The following DZIP1 variants were observed in gnomAD, a reference collection of about 807,000 sequenced individuals.
The protein encoded by DZIP1 is cilium assembly protein DZIP1.
In DZIP1, 97 loss-of-function variants were observed where a neutral mutation model predicts 107.6. The observed-to-expected ratio is 0.90, with a 90% CI of 0.77 to 1.07. The LOEUF is 1.07. Ranked by LOEUF, DZIP1 falls within the 50% of genes least tolerant of loss-of-function variation. The pLI is 0.00. For synonymous variants in DZIP1, 390 were observed against 386.4 expected, an observed-to-expected ratio of 1.01 and a Z score of -0.11; for missense variants, 1,035 against 1,063.6, an observed-to-expected ratio of 0.97 and a Z score of 0.37.
intron 22 of DZIP1, 80 bp downstream of exon 22, chr13:95,584,656 G>C: frequency 6.6e-7 from 1 of 1,523,040 alleles, no homozygotes; most frequent in Non-Finnish European, 8.8e-7. Flanking sequence ...ACCAGCATAA[G>C]TTAATTAGAT....
chr13:95,609,356 G>T, intron 13 of DZIP1, 101 bp downstream of exon 13: 1 of 744,036 alleles, frequency 1.3e-6, no homozygotes, highest in Non-Finnish European at 2.0e-6. Context: ...AAATACATTG[G>T]TTTTCAAAGA....
Position 95,612,042 on chromosome 13 carries a change from G to A in DZIP1, c.1309C>T (p.Gln437Ter). The change falls in exon 11 of 23, where the codon CAG (glutamine) becomes TAG (stop). Residue 437 changes from glutamine (Q) to a stop codon, truncating the protein, a stop_gained. Coordinates refer to ENST00000376829, the MANE Select transcript of DZIP1 (RefSeq NM_198968.4). LOFTEE classifies it high-confidence loss of function. The part of the protein sequence containing the change: ...EQNELIITQR[Q>*]QIKDFTCNPL... ...CACACTGCCGCCAGACATACCTGCTGTCTCTGAGTTATAATCAGCTCATTC... is the reference window on the plus strand; with the variant it reads ...CACACTGCCGCCAGACATACCTGCTATCTCTGAGTTATAATCAGCTCATTC... 8.7e-6 allele frequency: 14 copies of A among 1,613,450 alleles called. No homozygotes were observed. Among genetic ancestry groups the A allele is most frequent in the Non-Finnish European group, 1.1e-5 (13 of 1,179,970 alleles).
chr13:95,614,234 A>C (rs1333775687), intron 10 of DZIP1, among the ~76,000 whole-genome samples: 1 of 152,058 alleles, frequency 6.6e-6, no homozygotes, highest in Non-Finnish European at 1.5e-5. Context: ...GAACCAATCT[A>C]GAAAGATTTT....
chr13:95,597,654 C>G (rs968100487), intron 15 of DZIP1, among the ~76,000 whole-genome samples: 1 of 152,180 alleles, frequency 6.6e-6, no homozygotes, highest in African/African-American at 2.4e-5. Context: ...GAGGTTGCTT[C>G]CATAGCCAGT....
chr13:95,630,758 G>A (rs1421144693), intron 6 of DZIP1: 1 of 1,286,364 alleles, frequency 7.8e-7, no homozygotes, highest in South Asian at 1.2e-5. Flanking sequence ...GTGTCTGTGA[G>A]TGTAGACATG....
intron 10 of DZIP1, among the ~76,000 whole-genome samples, chr13:95,617,779 G>C (rs1875311288): frequency 6.6e-6 from 1 of 152,108 alleles, no homozygotes; most frequent in South Asian, 2.1e-4. Flanking sequence ...ACTAAGGAAG[G>C]GGAAGGCTGG....
intron 5 of DZIP1, among the ~76,000 whole-genome samples, chr13:95,634,404 T>C (rs908923276): frequency 7.2e-6 from 1 of 138,592 alleles, no homozygotes; most frequent in African/African-American, 2.6e-5. Flanking sequence ...ACTTGTTTAT[T>C]GTCTCTAGCC....
At chr13:95,582,435 G>C (rs1461605762) in intron 22 of DZIP1, 122 bp from the exon 23 acceptor site, 6 of 827,828 alleles carry the variant, frequency 7.2e-6, no homozygotes, top group Non-Finnish European at 1.2e-5. Flanking sequence ...ATCTGTTCAT[G>C]AATCCTCATC....
intron 22 of DZIP1, 163 bp downstream of exon 22, chr13:95,584,573 G>A (rs1271783875): frequency 8.6e-6 from 11 of 1,281,432 alleles, no homozygotes; most frequent in Non-Finnish European, 9.9e-6. Flanking sequence ...ATATGAATCA[G>A]TGAGTTATGC....
chr13:95,604,878 G>T (rs1028115551), intron 14 of DZIP1, among the ~76,000 whole-genome samples: 1 of 152,180 alleles, frequency 6.6e-6, no homozygotes, highest in Admixed American at 6.5e-5. Context: ...ATGATTGCTA[G>T]ATACTTTTCT....
At position 95,624,897 on chromosome 13, in the gene DZIP1, G is replaced by T; in HGVS notation, c.843C>A (p.Asp281Glu). The T allele has an allele frequency of 6.2e-7, 1 of 1,608,836 alleles. No homozygotes were observed. The highest frequency in any genetic ancestry group is 1.1e-5 in the South Asian group (1 of 89,944). ...EYEMQKTKEE[D>E]FLKLFDRWKE... Reference sequence around the variant, plus strand: ...TCCACCTGTCAAATAACTTCAAAAAGTCTTCCTCTTTTGTTTTCTGCATTT... The same window carrying T: ...TCCACCTGTCAAATAACTTCAAAAATTCTTCCTCTTTTGTTTTCTGCATTT... The change falls in exon 8 of 23, where the codon GAC becomes GAA. Residue 281 changes from aspartate (D) to glutamate (E), a missense_variant. Physicochemically the swap from Asp to Glu is conservative, Grantham distance 45. Coordinates refer to ENST00000376829, the MANE Select transcript of DZIP1 (RefSeq NM_198968.4).
At chr13:95,630,186 C>A (rs1566423613) in intron 6 of DZIP1, 73 bp from the exon 7 acceptor site, 2 of 1,479,358 alleles carry the variant, frequency 1.4e-6, no homozygotes. Context: ...GGGTACAGTC[C>A]TGTTGATAAC....
At chr13:95,589,110 A>C (rs754509468) in intron 19 of DZIP1, 44 bp downstream of exon 19, 1 of 1,503,030 alleles carries the variant, frequency 6.7e-7, no homozygotes, top group African/African-American at 1.4e-5. Context: ...ATGTTCAGTG[A>C]AAATAATTTT....
intron 14 of DZIP1, among the ~76,000 whole-genome samples, chr13:95,605,715 C>CA (rs773225566): frequency 3.2e-4 from 48 of 152,190 alleles, no homozygotes; most frequent in Non-Finnish European, 4.0e-4. Context: ...CTACTTTCCA[C>CA]AAAAATCATA....
intron 15 of DZIP1, among the ~76,000 whole-genome samples, chr13:95,597,137 A>C (rs2044478167): frequency 6.6e-6 from 1 of 152,184 alleles, no homozygotes; most frequent in South Asian, 2.1e-4. Flanking sequence ...TCTTACATTG[A>C]CTGGAAGAAC....
Position 95,582,106 on chromosome 13 carries a change from G to T in DZIP1, c.*128C>A. The T allele has an allele frequency of 1.3e-6, 1 of 798,936 alleles. No homozygotes were observed. The highest frequency in any genetic ancestry group is 2.1e-6 in the Non-Finnish European group (1 of 474,370). 49.5% of individuals were successfully genotyped at this position (798,936 alleles called of 1,614,324 possible). A position where few individuals can be genotyped will look rare whatever the true frequency, so the allele number is the denominator to read the frequency against. ...GCCATTAAAGAGACCATTGTTCTTTGAATCAGTCTCTGTGTTGCTGTGGGA... is the reference window on the plus strand; with the variant it reads ...GCCATTAAAGAGACCATTGTTCTTTTAATCAGTCTCTGTGTTGCTGTGGGA... On this transcript the variant is annotated 3_prime_UTR_variant, in exon 23 of 23. Transcript: ENST00000376829.
At chr13:95,639,462 A>G (rs1878217882) in intron 5 of DZIP1, among the ~76,000 whole-genome samples, 1 of 151,960 alleles carries the variant, frequency 6.6e-6, no homozygotes, top group Admixed American at 6.6e-5. Flanking sequence ...ATGGTGGTGC[A>G]CACCTGTAGT....
intron 15 of DZIP1, among the ~76,000 whole-genome samples, chr13:95,598,685 A>G (rs1279249196): frequency 6.6e-6 from 1 of 152,134 alleles, no homozygotes; most frequent in African/African-American, 2.4e-5. Context: ...AAAAATTATG[A>G]TAGATTGATT....
Position 95,590,378 on chromosome 13 carries a change from GTCTT to G in DZIP1, c.1740_1743del (p.Glu580AspfsTer53). On this transcript the variant is annotated frameshift_variant, in exon 17 of 23. Coordinates refer to ENST00000376829, the MANE Select transcript of DZIP1 (RefSeq NM_198968.4). LOFTEE classifies it high-confidence loss of function. ...TTAGGTATTTCTCTTTCTTGCTTAT[GTCTT>G]TCTGATTCCACACTTTTTAGTACTC... 13 of 1,613,748 alleles carry G rather than the reference GTCTT, an allele frequency of 8.1e-6. No individual in the cohort carries two copies. The highest frequency in any genetic ancestry group is 1.1e-5 in the Non-Finnish European group (13 of 1,179,902).
Sources: allele counts gnomAD v4.1 joint callset (sites outside exome capture counted in the v4.1 genomes callset), GRCh38; gene constraint gnomAD v4.1.1; transcripts MANE v1.5; gene names NCBI Gene and HGNC (gene_info 2026-07-23, HGNC 2026-07-21).